The following STXBP4 variants were observed in gnomAD, a reference collection of about 807,000 sequenced individuals.
The protein encoded by STXBP4 is syntaxin binding protein 4, also known as syntaxin-binding protein 4.
A neutral mutation model predicts 76.1 loss-of-function variants in STXBP4; 55 were observed. The observed-to-expected ratio is 0.72, with a 90% CI of 0.58 to 0.91. STXBP4 has a LOEUF of 0.91. STXBP4 is among the 40% of genes least tolerant of loss of function. The pLI is 0.00. For missense variants in STXBP4, 618 were observed against 636.9 expected (o/e 0.97, Z 0.32); for synonymous variants, 201 against 220.2 (o/e 0.91, Z 0.77).
At chr17:55,147,079 A>T (rs1387467534) in intron 17 of STXBP4, among the ~76,000 whole-genome samples, 2 of 152,236 alleles carry the variant, frequency 1.3e-5, no homozygotes, top group Non-Finnish European at 1.5e-5. Flanking sequence ...TTCACAGTGT[A>T]TGTAAAATAT....
At chr17:55,199,424 T>C in the STXBP4 span, among the ~76,000 whole-genome samples, 1 of 152,254 alleles carries the variant, frequency 6.6e-6, no homozygotes, top group Non-Finnish European at 1.5e-5. Flanking sequence ...TGGTTCATTA[T>C]ATGCATGCTT....
intron 16 of STXBP4, among the ~76,000 whole-genome samples, chr17:55,112,954 C>T (rs1417072550): frequency 1.3e-5 from 2 of 151,980 alleles, no homozygotes; most frequent in Admixed American, 6.6e-5. Context: ...TGGCTGAAAT[C>T]GTAAACATTT....
At chr17:55,071,050 T>C (rs2079113704) in intron 12 of STXBP4, among the ~76,000 whole-genome samples, 1 of 152,308 alleles carries the variant, frequency 6.6e-6, no homozygotes, top group Non-Finnish European at 1.5e-5. Context: ...TCACACCAAC[T>C]CCACCACTAT....
At chr17:55,202,882 A>T in the STXBP4 span, among the ~76,000 whole-genome samples, 1 of 152,176 alleles carries the variant, frequency 6.6e-6, no homozygotes, top group Non-Finnish European at 1.5e-5. Flanking sequence ...CACTTTAAGT[A>T]GTCTGGAGGA....
At chr17:55,068,313 AT>A in intron 12 of STXBP4, among the ~76,000 whole-genome samples, 1 of 152,222 alleles carries the variant, frequency 6.6e-6, no homozygotes, top group Non-Finnish European at 1.5e-5. Context: ...TTGCAGTCTC[AT>A]TTTTCTCCTG....
the STXBP4 span, among the ~76,000 whole-genome samples, chr17:55,197,006 A>G: frequency 4.4e-3 from 667 of 152,382 alleles, 5 homozygotes; most frequent in Admixed American, 0.013. Context: ...ATAATAAGCC[A>G]GATCCTTAGA....
At position 55,167,124 on chromosome 17, in the gene STXBP4, C is replaced by T. The variant is rs1014545953; in HGVS notation, c.*7213C>T. On this transcript the variant is annotated 3_prime_UTR_variant, in exon 18 of 18. Transcript: ENST00000376352. ...TCCAACTCTGAAATCCTACCGCAGT[C>T]CCCTATTGCTGCATACCTTTTAATA... The T allele has an allele frequency of 2.0e-5, 3 of 152,178 alleles. No homozygotes were observed. The highest frequency in any genetic ancestry group is 7.2e-5 in the African/African-American group (3 of 41,434). 9.4% of individuals were successfully genotyped at this position (152,178 alleles called of 1,614,324 possible).
intron 12 of STXBP4, among the ~76,000 whole-genome samples, chr17:55,051,895 T>C (rs576174524): frequency 2.6e-5 from 4 of 152,274 alleles, no homozygotes; most frequent in East Asian, 1.9e-4. Context: ...TGCGTGTGTA[T>C]ATATACAGAT....
intron 17 of STXBP4, among the ~76,000 whole-genome samples, chr17:55,145,063 G>A (rs1202754517): frequency 6.6e-6 from 1 of 152,208 alleles, no homozygotes. Context: ...TTTGGTGGGA[G>A]TTTCTTTATG....
At position 55,034,291 on chromosome 17, in the gene STXBP4, T is replaced by C. The variant is rs370017672; in HGVS notation, c.855+32T>C. 14 of 1,489,368 alleles carry C rather than the reference T, an allele frequency of 9.4e-6. No individual in the cohort carries two copies. In the African/African-American group the frequency reaches 1.1e-4, roughly 12 times the overall value. The allele number at this position is 1,489,368 out of a possible 1,614,324, so 92.3% of individuals were successfully genotyped here. ...TATGCCCTATAGAATTGCTTTGACATGTATAAGTCACAAGTCTTGAATGTT... is the reference window on the plus strand; with the variant it reads ...TATGCCCTATAGAATTGCTTTGACACGTATAAGTCACAAGTCTTGAATGTT... On this transcript the variant is annotated intron_variant, in intron 10 of 17. Transcript: ENST00000376352.
Position 55,094,269 on chromosome 17 carries a change from C to G in STXBP4, c.1489+13086C>G, listed in dbSNP as rs372731863. 8.6e-5 allele frequency among the ~76,000 whole-genome samples: 13 copies of G among 151,260 alleles called. No individual in the cohort carries two copies. The East Asian group carries it at 2.5e-3, about 30-fold the overall frequency. On this transcript the variant is annotated intron_variant, in intron 16 of 17. Transcript: ENST00000376352. ...TAGCAAGAAGCCAGATAATACAAGG[C>G]TTTGAACACCATACTAAGGAGTTTG...
At chr17:54,995,047 T>C (rs1404416565) in intron 4 of STXBP4, among the ~76,000 whole-genome samples, 1 of 152,224 alleles carries the variant, frequency 6.6e-6, no homozygotes, top group African/African-American at 2.4e-5. Context: ...GATTGTTTAA[T>C]CATCTCTGCC....
intron 17 of STXBP4, among the ~76,000 whole-genome samples, chr17:55,144,416 C>G (rs560574689): frequency 6.6e-6 from 1 of 152,302 alleles, no homozygotes; most frequent in Non-Finnish European, 1.5e-5. Context: ...TCCCTGACTT[C>G]TTATACAGAG....
chr17:55,208,761 T>C, the STXBP4 span, among the ~76,000 whole-genome samples: 4 of 152,108 alleles, frequency 2.6e-5, no homozygotes, highest in Non-Finnish European at 5.9e-5. Context: ...GATGGTATAT[T>C]TGTGTAAACA....
At chr17:54,989,921 G>A (rs2077688166) in intron 3 of STXBP4, among the ~76,000 whole-genome samples, 1 of 152,124 alleles carries the variant, frequency 6.6e-6, no homozygotes, top group African/African-American at 2.4e-5. Flanking sequence ...AGATTCAAAT[G>A]GAAGTCATAT....
At chr17:55,175,960 A>G (rs1478529620), downstream of STXBP4, among the ~76,000 whole-genome samples, 7 of 152,226 alleles carry the variant, frequency 4.6e-5, no homozygotes, top group Non-Finnish European at 1.5e-5. Context: ...CACAGACAAG[A>G]TCACAGATGG....
At chr17:55,113,116 G>C (rs1171138653) in intron 16 of STXBP4, among the ~76,000 whole-genome samples, 4 of 151,586 alleles carry the variant, frequency 2.6e-5, no homozygotes, top group African/African-American at 9.7e-5. Context: ...ATAAATATTG[G>C]TTATGTAACA....
At chr17:55,152,791 G>T (rs1200011643) in intron 17 of STXBP4, among the ~76,000 whole-genome samples, 1 of 152,084 alleles carries the variant, frequency 6.6e-6, no homozygotes, top group African/African-American at 2.4e-5. Flanking sequence ...ATTTGGGTGG[G>T]TACACAGAGC....
rs2080416086 is a variant in STXBP4, at chr17:55,173,256, T to TGACCA, written c.*13346_*13350dup. Reference sequence around the variant, plus strand: ...AATTTTTAACACATGTCTAGTTATTTGACCACAACCGTAATCAAGATACAG... The same window carrying TGACCA: ...AATTTTTAACACATGTCTAGTTATTTGACCAGACCACAACCGTAATCAAGATACAG... On this transcript the variant is annotated 3_prime_UTR_variant, in exon 18 of 18. Coordinates refer to ENST00000376352, the MANE Select transcript of STXBP4 (RefSeq NM_178509.6). 6.6e-6 allele frequency: 1 copy of TGACCA among 152,238 alleles called. No individual in the cohort carries two copies. Among genetic ancestry groups the TGACCA allele is most frequent in the African/African-American group, 2.4e-5 (1 of 41,468 alleles). 9.4% of individuals were successfully genotyped at this position (152,238 alleles called of 1,614,324 possible). A position where few individuals can be genotyped will look rare whatever the true frequency, so the allele number is the denominator to read the frequency against.
Sources: gnomAD v4.1 joint callset for allele counts (sites outside exome capture counted in the v4.1 genomes callset) on GRCh38, gnomAD v4.1.1 for gene constraint, MANE v1.5 for transcripts, NCBI Gene and HGNC (gene_info 2026-07-23, HGNC 2026-07-21) for gene names.